PDPK1: variants seen among roughly 807,000 people sequenced by gnomAD.
PDPK1 encodes 3-phosphoinositide-dependent protein kinase 1.
A neutral mutation model predicts 39.8 loss-of-function variants in PDPK1; 7 were observed. That is an observed-to-expected ratio of 0.18 (90% CI 0.10 to 0.33). The LOEUF (loss-of-function observed/expected upper bound fraction) is 0.33, where lower values mean the gene tolerates loss of function less well. Ranked by LOEUF, PDPK1 falls within the 10% of genes least tolerant of loss-of-function variation. The probability of loss-of-function intolerance (pLI) is 1.00; values close to 1 mark genes in which losing one functional copy is unlikely to be tolerated. For synonymous variants in PDPK1, 118 were observed against 159.1 expected, an observed-to-expected ratio of 0.74 and a Z score of 1.95; for missense variants, 182 against 384.7, an observed-to-expected ratio of 0.47 and a Z score of 4.41.
At position 2,602,792 on chromosome 16, in the gene PDPK1, C is replaced by T. The variant is rs2067244357; in HGVS notation, c.*5025C>T. On this transcript the variant is annotated 3_prime_UTR_variant, in exon 14 of 14. Coordinates refer to ENST00000342085, the MANE Select transcript of PDPK1 (RefSeq NM_002613.5). ...ACAGACAAAGCAAAAATTAAAAGAA[C>T]TTATGAAAACAAATGCAATGATACT... 1 of 234,234 alleles carries T rather than the reference C, an allele frequency of 4.3e-6. No homozygotes were observed. Among genetic ancestry groups the T allele is most frequent in the East Asian group, 6.1e-5 (1 of 16,480 alleles). 14.5% of individuals were successfully genotyped at this position (234,234 alleles called of 1,614,324 possible).
chr16:2,546,655 A>C (rs1165419095), intron 1 of PDPK1, among the ~76,000 whole-genome samples: 2 of 152,138 alleles, frequency 1.3e-5, no homozygotes, highest in African/African-American at 2.4e-5. Flanking sequence ...TCTAACCTTA[A>C]GCTGCTTTTC....
At chr16:2,590,734 G>A (rs1437293735) in intron 11 of PDPK1, among the ~76,000 whole-genome samples, 1 of 152,206 alleles carries the variant, frequency 6.6e-6, no homozygotes, top group Non-Finnish European at 1.5e-5. Context: ...TGGAATTTTG[G>A]AAAACTTTAT....
At position 2,551,880 on chromosome 16, in the gene PDPK1, G is replaced by C. The variant is rs745675069; in HGVS notation, c.25-5823G>C. Among the ~76,000 whole-genome samples, 9 of 151,360 alleles carry C rather than the reference G, an allele frequency of 5.9e-5. 1 individual carries two copies. The highest frequency in any genetic ancestry group is 1.0e-4 in the Non-Finnish European group (7 of 67,914). On this transcript the variant is annotated intron_variant, in intron 1 of 13. Coordinates refer to ENST00000342085, the MANE Select transcript of PDPK1 (RefSeq NM_002613.5). The stretch of plus-strand genomic sequence containing the variant: ...CGGGGTTTCAACTATTGGCCAGGCT[G>C]GTCTCAAACTCCTGATCTCAGATGA...
intron 6 of PDPK1, 175 bp from the exon 7 acceptor site, chr16:2,577,250 G>T: frequency 1.5e-6 from 1 of 688,640 alleles, no homozygotes; most frequent in South Asian, 1.6e-5. Context: ...GCAGGGCGCC[G>T]GTGTCCAGGG....
rs1041545093 is a variant in PDPK1, at chr16:2,601,702, GTGGGGC to G, written c.*3936_*3941del. Reference sequence around the variant, plus strand: ...GTGCATTTGTCTCCCCCTTCCACCCGTGGGGCCCCACCTTCAGGTCTTAGTGGTTCA... The same window carrying G: ...GTGCATTTGTCTCCCCCTTCCACCCGCCCACCTTCAGGTCTTAGTGGTTCA... On this transcript the variant is annotated 3_prime_UTR_variant, in exon 14 of 14. Transcript: ENST00000342085. 2 of 172 alleles carry G rather than the reference GTGGGGC, an allele frequency of 0.012. No individual in the cohort carries two copies. The highest frequency in any genetic ancestry group is 0.043 in the African/African-American group (2 of 46). The allele number at this position is 172 out of a possible 1,614,324, so 0.0% of individuals were successfully genotyped here. A position where few individuals can be genotyped will look rare whatever the true frequency, so the allele number is the denominator to read the frequency against.
rs999895780 is a variant in PDPK1, at chr16:2,593,427, G to A, written c.1344-2366G>A. The A allele has an allele frequency of 5.6e-5, 18 of 319,694 alleles. No homozygotes were observed. The highest frequency in any genetic ancestry group is 1.1e-4 in the African/African-American group (5 of 44,902). The allele number at this position is 319,694 out of a possible 1,614,324, so 19.8% of individuals were successfully genotyped here. ...GTGGAGGTGGTTTCGTCCTCTTTCC[G>A]TGGCTCCCACAGCTCAGTGCTGGGC... On this transcript the variant is annotated intron_variant, in intron 11 of 13. Transcript: ENST00000342085. The surrounding 1 kb of genome is among the most constrained non-coding windows in gnomAD (Gnocchi z 4.2).
chr16:2,550,161 C>T (rs1461753868), intron 1 of PDPK1, among the ~76,000 whole-genome samples: 4 of 149,652 alleles, frequency 2.7e-5, no homozygotes, highest in African/African-American at 2.5e-5. Context: ...GGACTAACCA[C>T]GATAATACAT....
At chr16:2,561,007 G>T (rs1472522908) in intron 2 of PDPK1, among the ~76,000 whole-genome samples, 1 of 151,138 alleles carries the variant, frequency 6.6e-6, no homozygotes, top group Non-Finnish European at 1.5e-5. Context: ...TCTTCATGGT[G>T]CCCACAAGCA....
chr16:2,551,654 T>A (rs1400715772), intron 1 of PDPK1, among the ~76,000 whole-genome samples: 1 of 148,824 alleles, frequency 6.7e-6, no homozygotes. Context: ...CGCCCTGATT[T>A]CCATCTTTTT....
chr16:2,596,223 G>C (rs1413457195), intron 12 of PDPK1, among the ~76,000 whole-genome samples: 1 of 152,136 alleles, frequency 6.6e-6, no homozygotes, highest in Non-Finnish European at 1.5e-5. Context: ...ATGGAGTCTT[G>C]CTCTGTCCCC....
chr16:2,591,085 C>G (rs1380312416), intron 11 of PDPK1, among the ~76,000 whole-genome samples: 2 of 152,020 alleles, frequency 1.3e-5, no homozygotes, highest in Admixed American at 1.3e-4. Flanking sequence ...GCCTCAGCCT[C>G]CCGAGGAGCT....
intron 1 of PDPK1, among the ~76,000 whole-genome samples, chr16:2,544,707 C>T (rs1347844951): frequency 6.6e-6 from 1 of 151,928 alleles, no homozygotes; most frequent in African/African-American, 2.4e-5. Flanking sequence ...CCTCAGCCTC[C>T]CAAGTAGCTG....
intron 11 of PDPK1, among the ~76,000 whole-genome samples, chr16:2,589,719 A>C (rs1254078484): frequency 6.6e-6 from 1 of 152,102 alleles, no homozygotes; most frequent in East Asian, 1.9e-4. Context: ...AAAAAAGGTA[A>C]AAGGAATTTT....
intron 10 of PDPK1, among the ~76,000 whole-genome samples, chr16:2,584,892 C>G (rs1367492588): frequency 6.6e-6 from 1 of 152,224 alleles, no homozygotes; most frequent in Non-Finnish European, 1.5e-5. Flanking sequence ...CCCTTGCCCC[C>G]ACCCTGTGTG....
intron 1 of PDPK1, chr16:2,539,387 C>G (rs373194184): frequency 6.6e-6 from 1 of 152,248 alleles, no homozygotes; most frequent in Non-Finnish European, 1.5e-5. Flanking sequence ...GCAGATGTGG[C>G]TTTTTGATAG....
intron 1 of PDPK1, among the ~76,000 whole-genome samples, chr16:2,539,856 A>T (rs2066212310): frequency 6.6e-6 from 1 of 152,214 alleles, no homozygotes; most frequent in Non-Finnish European, 1.5e-5. Flanking sequence ...AAGAGGAAAG[A>T]GCAAATTTTC....
chr16:2,596,642 C>T (rs1378882133), intron 12 of PDPK1, among the ~76,000 whole-genome samples: 1 of 152,218 alleles, frequency 6.6e-6, no homozygotes, highest in African/African-American at 2.4e-5. Flanking sequence ...TACAGTAGAA[C>T]GTCAGATCAG....
Position 2,586,778 on chromosome 16 carries a change from A to G in PDPK1, c.1228A>G (p.Ser410Gly), listed in dbSNP as rs780213417. Residue 410 changes from serine to glycine, a missense_variant, in exon 11 of 14, where the codon AGC becomes GGC. Ser to Gly is a moderately conservative substitution (Grantham distance 56). Coordinates refer to ENST00000342085, the MANE Select transcript of PDPK1 (RefSeq NM_002613.5). ...SDTGLPQRSG[S>G]NIEQYIHDLD... ...CACGGGCCTGCCCCAGAGGTCAGGC[A>G]GCAACATAGAGCAGTACATTCACGA... 1.9e-6 allele frequency: 3 copies of G among 1,614,226 alleles called. No individual in the cohort carries two copies. The highest frequency in any genetic ancestry group is 1.1e-5 in the South Asian group (1 of 91,086).
At chr16:2,589,549 A>G (rs1488165420) in intron 11 of PDPK1, among the ~76,000 whole-genome samples, 1 of 152,034 alleles carries the variant, frequency 6.6e-6, no homozygotes, top group Non-Finnish European at 1.5e-5. Context: ...TCAACCAGGC[A>G]TGGTGCTGCA....
Sources: gnomAD v4.1 joint callset for allele counts (sites outside exome capture counted in the v4.1 genomes callset) on GRCh38, gnomAD v4.1.1 for gene constraint, Gnocchi (gnomAD v3.1) non-coding constraint, MANE v1.5 for transcripts, NCBI Gene and HGNC (gene_info 2026-07-23, HGNC 2026-07-21) for gene names.